HIVEP1: variants seen among roughly 807,000 people sequenced by gnomAD.
The protein encoded by HIVEP1 is HIVEP zinc finger 1.
In HIVEP1, 36 loss-of-function variants were observed where a neutral mutation model predicts 180.0. The observed-to-expected ratio is 0.20, with a 90% CI of 0.15 to 0.26. The LOEUF (loss-of-function observed/expected upper bound fraction) is 0.26. Among genes scored for constraint, HIVEP1 ranks in the 10% least tolerant of loss-of-function variants. The pLI, the probability that HIVEP1 is intolerant of heterozygous loss-of-function variation, is 1.00. For missense variants in HIVEP1, 3,143 were observed against 3,268.7 expected (o/e 0.96, Z 0.94); for synonymous variants, 1,239 against 1,239.0 (o/e 1.00, Z 0.00).
At chr6:12,009,077 C>T (rs1767144568), upstream of HIVEP1, among the ~76,000 whole-genome samples, 1 of 150,028 alleles carries the variant, frequency 6.7e-6, no homozygotes, top group South Asian at 2.1e-4. Flanking sequence ...CGGCGTGACC[C>T]GGCGGCCGGC....
intron 2 of HIVEP1, among the ~76,000 whole-genome samples, chr6:12,077,474 C>T (rs1195940173): frequency 6.6e-6 from 1 of 152,164 alleles, no homozygotes. Context: ...AAGTCATCTG[C>T]ACTTGTCATC....
intron 7 of HIVEP1, among the ~76,000 whole-genome samples, chr6:12,155,267 T>C (rs1759960714): frequency 6.6e-6 from 1 of 152,174 alleles, no homozygotes. Flanking sequence ...TTTCTTCAAC[T>C]TCTAAGTTCA....
At chr6:12,109,554 C>T (rs1317943661) in intron 3 of HIVEP1, among the ~76,000 whole-genome samples, 2 of 152,346 alleles carry the variant, frequency 1.3e-5, no homozygotes, top group South Asian at 2.1e-4. Context: ...CTTTGCTCGT[C>T]CATAGAAGCA....
At chr6:12,201,475 AAAACAAAC>A in the HIVEP1 span, among the ~76,000 whole-genome samples, 102 of 147,086 alleles carry the variant, frequency 6.9e-4, no homozygotes, top group African/African-American at 2.2e-3. Flanking sequence ...AGACCCATCT[AAAACAAAC>A]AAACAAACAA....
Position 12,120,712 on chromosome 6 carries a change from G to C in HIVEP1, c.917G>C (p.Gly306Ala). 2 of 1,614,176 alleles carry C rather than the reference G, an allele frequency of 1.2e-6. No individual in the cohort carries two copies. Among genetic ancestry groups the C allele is most frequent in the Non-Finnish European group, 1.7e-6 (2 of 1,180,022 alleles). ...AATCAACAGCTTCCGGGGTGTTCAG[G>C]TTTCACAGGATCACTGACAAATCTG... ...QHNQQLPGCSGFTGSLTNLQN... is the reference protein window; with the variant it reads ...QHNQQLPGCSAFTGSLTNLQN... Residue 306 changes from glycine (G) to alanine (A), a missense_variant, in exon 4 of 9, where the codon GGT becomes GCT. Gly to Ala is a moderately conservative substitution (Grantham distance 60). Transcript: ENST00000379388.
the HIVEP1 span, among the ~76,000 whole-genome samples, chr6:12,189,798 G>A: frequency 6.6e-6 from 1 of 152,090 alleles, no homozygotes; most frequent in Non-Finnish European, 1.5e-5. Flanking sequence ...ATATTCACAT[G>A]TGGGAAAAAT....
At chr6:12,090,271 T>C (rs535013429) in intron 3 of HIVEP1, among the ~76,000 whole-genome samples, 1 of 152,272 alleles carries the variant, frequency 6.6e-6, no homozygotes, top group East Asian at 1.9e-4. Context: ...TATTTTGCCT[T>C]GTATCTTCAA....
intron 2 of HIVEP1, among the ~76,000 whole-genome samples, chr6:12,016,490 G>A (rs1438865497): frequency 6.6e-6 from 1 of 152,188 alleles, no homozygotes; most frequent in African/African-American, 2.4e-5. Flanking sequence ...GCGTATGTAG[G>A]GGAGAAGTGA....
At position 12,122,790 on chromosome 6, in the gene HIVEP1, C is replaced by T. The variant is rs773329361; in HGVS notation, c.2995C>T (p.His999Tyr). The T allele has an allele frequency of 4.0e-5, 64 of 1,613,212 alleles. No individual in the cohort carries two copies. Among genetic ancestry groups the T allele is most frequent in the Non-Finnish European group, 5.3e-5 (63 of 1,179,820 alleles). The stretch of plus-strand genomic sequence containing the variant: ...AAAGGTAGCCATGAGAGAACCTGAG[C>T]ACAGCCCTGTGCCCGGCGGTCTGCA... ...KTKVAMREPE[H>Y]SPVPGGLQPQ... Residue 999 changes from histidine (H) to tyrosine (Y), a missense_variant, in exon 4 of 9, where the codon CAC (histidine) becomes TAC (tyrosine). By Grantham distance (83) the His-to-Tyr change is moderately conservative. Coordinates refer to ENST00000379388, the MANE Select transcript of HIVEP1 (RefSeq NM_002114.4).
chr6:12,167,306 T>G (rs1482435754), downstream of HIVEP1, among the ~76,000 whole-genome samples: 1 of 151,924 alleles, frequency 6.6e-6, no homozygotes, highest in Admixed American at 6.6e-5. Flanking sequence ...CAGTTCAAAT[T>G]ATAACATCAG....
In HIVEP1 at chr6:12,120,777, A is replaced by G; in HGVS notation, c.982A>G (p.Ile328Val). The change falls in exon 4 of 9, where the codon ATA becomes GTA. Residue 328 changes from isoleucine to valine, a missense_variant. This residue lies in a region of HIVEP1 where 306 missense variants were observed against 310.6 expected (regional missense o/e 0.99). Coordinates refer to ENST00000379388, the MANE Select transcript of HIVEP1 (RefSeq NM_002114.4). ...ENAKLEQVYN[I>V]AVTSSVGLTS... ...TGCCAAACTTGAACAGGTTTATAAT[A>G]TAGCAGTGACATCATCTGTAGGCCT... The G allele has an allele frequency of 1.9e-6, 3 of 1,614,238 alleles. No homozygotes were observed. The highest frequency in any genetic ancestry group is 2.5e-6 in the Non-Finnish European group (3 of 1,180,048).
At chr6:12,074,398 A>G (rs188080828) in intron 2 of HIVEP1, among the ~76,000 whole-genome samples, 87 of 152,374 alleles carry the variant, frequency 5.7e-4, no homozygotes, top group Non-Finnish European at 9.4e-4. Context: ...AGTGTGTACT[A>G]GTAAGAGCTA....
chr6:12,157,738 G>A (rs1760142445), intron 7 of HIVEP1, among the ~76,000 whole-genome samples: 1 of 148,208 alleles, frequency 6.7e-6, no homozygotes, highest in Non-Finnish European at 1.5e-5. Context: ...TGTAGATCCG[G>A]GCCTCCATCT....
chr6:12,123,445 G>A lies in HIVEP1; in HGVS notation c.3650G>A (p.Arg1217Gln), dbSNP rs764247704. The change falls in exon 4 of 9, where the codon CGA (arginine) becomes CAA (glutamine). Residue 1217 changes from arginine (R) to glutamine (Q), a missense_variant. Physicochemically the swap from Arg to Gln is conservative, Grantham distance 43. Coordinates refer to ENST00000379388, the MANE Select transcript of HIVEP1 (RefSeq NM_002114.4). ...QESSRKSPSE[R>Q]HVLGQPSRLV... Reference sequence around the variant, plus strand: ...AGCTCCAGAAAGAGTCCAAGTGAACGACATGTGTTAGGACAGCCCTCAAGA... The same window carrying A: ...AGCTCCAGAAAGAGTCCAAGTGAACAACATGTGTTAGGACAGCCCTCAAGA... 1.6e-5 allele frequency: 26 copies of A among 1,614,054 alleles called. No homozygotes were observed. The highest frequency in any genetic ancestry group is 8.3e-5 in the Admixed American group (5 of 60,006).
intron 2 of HIVEP1, among the ~76,000 whole-genome samples, chr6:12,064,413 C>T (rs1771432255): frequency 6.6e-6 from 1 of 152,106 alleles, no homozygotes; most frequent in South Asian, 2.1e-4. Flanking sequence ...ACTTAATGAT[C>T]GTTTGTTAAC....
downstream of HIVEP1, among the ~76,000 whole-genome samples, chr6:12,166,023 A>G (rs1241516273): frequency 1.3e-5 from 2 of 152,190 alleles, no homozygotes; most frequent in East Asian, 3.8e-4. Flanking sequence ...TTAAGTAACA[A>G]AATTCTCTCA....
intron 3 of HIVEP1, among the ~76,000 whole-genome samples, chr6:12,115,096 A>G (rs1303755243): frequency 1.3e-5 from 2 of 152,164 alleles, no homozygotes; most frequent in Non-Finnish European, 2.9e-5. Context: ...CCTACTACTT[A>G]CCATAAGAAT....
At chr6:12,056,101 G>T (rs901019683) in intron 2 of HIVEP1, among the ~76,000 whole-genome samples, 4 of 152,030 alleles carry the variant, frequency 2.6e-5, no homozygotes, top group African/African-American at 9.7e-5. Flanking sequence ...TAAAAGGCTG[G>T]AATAGAGAAA....
the HIVEP1 span, among the ~76,000 whole-genome samples, chr6:12,190,110 T>G: frequency 3.6e-3 from 554 of 152,328 alleles, 2 homozygotes; most frequent in African/African-American, 0.013. Flanking sequence ...TCTTATCCTT[T>G]ATGCAGATTT....
Sources: allele counts gnomAD v4.1 joint callset (sites outside exome capture counted in the v4.1 genomes callset), GRCh38; gene constraint gnomAD v4.1.1; regional missense constraint gnomAD v4.1.1; transcripts MANE v1.5; gene names NCBI Gene and HGNC (gene_info 2026-07-23, HGNC 2026-07-21).